NEK10: variants seen among roughly 807,000 people sequenced by gnomAD.
NEK10 encodes serine/threonine-protein kinase Nek10.
Under a neutral mutation model 159.8 loss-of-function variants are expected in NEK10, and 122 were observed. That is an observed-to-expected ratio of 0.76 (90% CI 0.66 to 0.89). The LOEUF (loss-of-function observed/expected upper bound fraction) is 0.89, where lower values mean the gene tolerates loss of function less well. Ranked by LOEUF, NEK10 falls within the 40% of genes least tolerant of loss-of-function variation. NEK10 has a pLI of 0.00. For missense variants in NEK10, 1,342 were observed against 1,323.1 expected, an observed-to-expected ratio of 1.01 and a Z score of -0.22; for synonymous variants, 466 against 457.1, an observed-to-expected ratio of 1.02 and a Z score of -0.25.
intron 22 of NEK10, among the ~76,000 whole-genome samples, chr3:27,271,505 T>C (rs1038629426): frequency 3.3e-4 from 50 of 152,314 alleles, no homozygotes; most frequent in African/African-American, 1.2e-3. Context: ...GTAAGAGTCA[T>C]CTTATTCTTA....
At chr3:27,149,940 C>T (rs538476042) in intron 30 of NEK10, among the ~76,000 whole-genome samples, 1 of 152,204 alleles carries the variant, frequency 6.6e-6, no homozygotes, top group South Asian at 2.1e-4. Context: ...CAACAGTGAA[C>T]ACATGAATAA....
chr3:27,118,208 T>C (rs541286923), intron 33 of NEK10, among the ~76,000 whole-genome samples: 24 of 152,252 alleles, frequency 1.6e-4, no homozygotes, highest in Non-Finnish European at 3.1e-4. Context: ...CATGCTGTTT[T>C]GGTTACTAAA....
chr3:27,367,777 G>A lies in NEK10; in HGVS notation c.-38+1448C>T, dbSNP rs528389158. 4.1e-4 allele frequency among the ~76,000 whole-genome samples: 62 copies of A among 152,276 alleles called. 1 individual carries two copies. The South Asian group carries it at 7.5e-3, about 18-fold the overall frequency. On this transcript the variant is annotated intron_variant, in intron 1 of 35. Coordinates refer to ENST00000691995, the MANE Select transcript of NEK10 (RefSeq NM_001394966.1). ...ATCAAGCAACATACAGAAAATGATT[G>A]GGGAGTGAGAGCAGGAGTGTGGGGG...
chr3:27,309,436 T>G (rs2044508512), intron 9 of NEK10: 1 of 152,474 alleles, frequency 6.6e-6, no homozygotes, highest in Admixed American at 6.5e-5. Context: ...AAAAAGAGTT[T>G]TATTAAACAT....
chr3:27,169,321 A>G (rs780370306), intron 29 of NEK10, among the ~76,000 whole-genome samples: 10 of 152,216 alleles, frequency 6.6e-5, no homozygotes, highest in Non-Finnish European at 1.3e-4. Flanking sequence ...TCAGATCTCC[A>G]GTCCCCACAA....
chr3:27,280,095 G>GAAAA (rs1203824501), intron 22 of NEK10, among the ~76,000 whole-genome samples: 10 of 69,452 alleles, frequency 1.4e-4, no homozygotes, highest in East Asian at 5.1e-4. Flanking sequence ...CCCTAAAATG[G>GAAAA]AAAAAAAAAA....
rs1290837590 is a variant in NEK10, at chr3:27,109,301, C to T, written c.*1971G>A. Reference sequence around the variant, plus strand: ...GGCTGAGGCAGGAGAATTGCTTGAACCTGGGTGGCGGAGGTTGCAGTAAGT... The same window carrying T: ...GGCTGAGGCAGGAGAATTGCTTGAATCTGGGTGGCGGAGGTTGCAGTAAGT... On this transcript the variant is annotated 3_prime_UTR_variant, in exon 36 of 36. Transcript: ENST00000691995. Among the ~76,000 whole-genome samples, 1 of 151,160 alleles carries T rather than the reference C, an allele frequency of 6.6e-6. No individual in the cohort carries two copies. Among genetic ancestry groups the T allele is most frequent in the Non-Finnish European group, 1.5e-5 (1 of 67,898 alleles).
In NEK10 at chr3:27,285,048, A is replaced by G. The variant is rs866689255; in HGVS notation, c.1790-87T>C. The G allele has an allele frequency of 4.0e-6, 4 of 1,007,328 alleles. No homozygotes were observed. The African/African-American group carries it at 4.9e-5, about 12-fold the overall frequency. The allele number at this position is 1,007,328 out of a possible 1,614,324, so 62.4% of individuals were successfully genotyped here. A position where few individuals can be genotyped will look rare whatever the true frequency, so the allele number is the denominator to read the frequency against. Reference sequence around the variant, plus strand: ...TTACGAATGAGAGTTCAAGCTTCCCAGTGTCTGTGCGGGACACTAACACTA... The same window carrying G: ...TTACGAATGAGAGTTCAAGCTTCCCGGTGTCTGTGCGGGACACTAACACTA... On this transcript the variant is annotated intron_variant, in intron 20 of 35. Transcript: ENST00000691995.
chr3:27,277,911 T>C (rs774942197), intron 22 of NEK10, among the ~76,000 whole-genome samples: 8 of 152,318 alleles, frequency 5.3e-5, no homozygotes, highest in Non-Finnish European at 7.4e-5. Context: ...TAGAAGCAAG[T>C]ACAGAGGAAG....
chr3:27,187,773 AAAG>A (rs1948756500), intron 26 of NEK10, among the ~76,000 whole-genome samples: 1 of 152,022 alleles, frequency 6.6e-6, no homozygotes, highest in African/African-American at 2.4e-5. Flanking sequence ...AAAAAAAAAA[AAAG>A]AAAGAATTAG....
At chr3:27,355,264 T>A (rs2048253331) in intron 1 of NEK10, among the ~76,000 whole-genome samples, 1 of 152,022 alleles carries the variant, frequency 6.6e-6, no homozygotes. Context: ...ATCTGCCCCC[T>A]CTCCCAAGGA....
chr3:27,274,544 C>A (rs2041621002), intron 22 of NEK10, among the ~76,000 whole-genome samples: 1 of 152,060 alleles, frequency 6.6e-6, no homozygotes, highest in Non-Finnish European at 1.5e-5. Flanking sequence ...GAGCTCTGTA[C>A]ATATAGCTCT....
intron 22 of NEK10, among the ~76,000 whole-genome samples, chr3:27,256,982 C>T (rs1956269673): frequency 7.1e-6 from 1 of 140,616 alleles, no homozygotes; most frequent in Non-Finnish European, 1.5e-5. Context: ...GTGGTGCGAT[C>T]TCGGCTCACT....
intron 33 of NEK10, 128 bp downstream of exon 33, chr3:27,119,632 T>A: frequency 1.5e-6 from 1 of 658,926 alleles, no homozygotes; most frequent in Non-Finnish European, 2.6e-6. Context: ...GCCTTCCAAC[T>A]ATTGCTATAA....
intron 35 of NEK10, among the ~76,000 whole-genome samples, chr3:27,115,460 A>G (rs973018747): frequency 6.6e-6 from 1 of 152,200 alleles, no homozygotes; most frequent in African/African-American, 2.4e-5. Context: ...GGGTAAACAA[A>G]TGGCAACATA....
chr3:27,125,964 T>A (rs1186060487), intron 32 of NEK10, among the ~76,000 whole-genome samples: 1 of 152,178 alleles, frequency 6.6e-6, no homozygotes, highest in South Asian at 2.1e-4. Context: ...TTGACCTGGC[T>A]GGGAAGGAGA....
At position 27,131,991 on chromosome 3, in the gene NEK10, C is replaced by G; in HGVS notation, c.2971-1G>C. ...AATTGTGGTGCAAAGCTGGAGGAAGCTGCATAAAATAAGAAAACAATCATT... is the reference window on the plus strand; with the variant it reads ...AATTGTGGTGCAAAGCTGGAGGAAGGTGCATAAAATAAGAAAACAATCATT... On this transcript the variant is annotated splice_acceptor_variant, in intron 31 of 35. Coordinates refer to ENST00000691995, the MANE Select transcript of NEK10 (RefSeq NM_001394966.1). LOFTEE classifies it high-confidence loss of function. The G allele has an allele frequency of 6.4e-7, 1 of 1,552,910 alleles. No homozygotes were observed. The highest frequency in any genetic ancestry group is 8.9e-7 in the Non-Finnish European group (1 of 1,127,064).
chr3:27,233,932 G>A (rs996430342), intron 23 of NEK10, among the ~76,000 whole-genome samples: 1 of 152,024 alleles, frequency 6.6e-6, no homozygotes, highest in African/African-American at 2.4e-5. Flanking sequence ...CAGTGAAGTA[G>A]GCTTCATTCC....
chr3:27,127,227 C>A (rs1048232683), intron 32 of NEK10, among the ~76,000 whole-genome samples: 3 of 152,018 alleles, frequency 2.0e-5, no homozygotes, highest in Non-Finnish European at 4.4e-5. Context: ...TCATACTATC[C>A]GTAATATTTC....
Sources: gnomAD v4.1 joint callset for allele counts (sites outside exome capture counted in the v4.1 genomes callset) on GRCh38, gnomAD v4.1.1 for gene constraint, MANE v1.5 for transcripts, NCBI Gene and HGNC (gene_info 2026-07-23, HGNC 2026-07-21) for gene names.